Variants in WDPCP observed in about 807,000 individuals in gnomAD.
WDPCP encodes WD repeat containing planar cell polarity effector, also known as WD repeat-containing and planar cell polarity effector protein fritz homolog.
In WDPCP, 71 loss-of-function variants were observed where a neutral mutation model predicts 93.1. The observed-to-expected ratio is 0.76, with a 90% CI of 0.63 to 0.93. WDPCP has a LOEUF of 0.93. WDPCP is among the 40% of genes least tolerant of loss of function. The pLI, the probability that WDPCP is intolerant of heterozygous loss-of-function variation, is 0.00. For synonymous variants in WDPCP, 315 were observed against 315.0 expected, an observed-to-expected ratio of 1.00 and a Z score of 0.00; for missense variants, 844 against 887.4, an observed-to-expected ratio of 0.95 and a Z score of 0.62.
chr2:63,469,251 G>A (rs1463481454), intron 6 of WDPCP, among the ~76,000 whole-genome samples: 7 of 152,210 alleles, frequency 4.6e-5, no homozygotes. Flanking sequence ...GTTGGTGGGG[G>A]TGTAAATTAG....
At chr2:63,572,755 A>G (rs188429636) in intron 1 of WDPCP, among the ~76,000 whole-genome samples, 1 of 149,226 alleles carries the variant, frequency 6.7e-6, no homozygotes, top group East Asian at 2.0e-4. Context: ...CTAGCAAGAG[A>G]GTAAAGAGGG....
chr2:63,231,379 G>C (rs1678863903), intron 14 of WDPCP, among the ~76,000 whole-genome samples: 1 of 152,106 alleles, frequency 6.6e-6, no homozygotes, highest in South Asian at 2.1e-4. Flanking sequence ...AGGAAAAGAG[G>C]AAGTCAAATT....
At chr2:63,432,122 G>A (rs917074868) in intron 9 of WDPCP, among the ~76,000 whole-genome samples, 1 of 152,040 alleles carries the variant, frequency 6.6e-6, no homozygotes, top group African/African-American at 2.4e-5. Context: ...AATTCCTTTT[G>A]GTACTGTTAC....
At chr2:63,556,714 C>T (rs1300354035) in intron 1 of WDPCP, among the ~76,000 whole-genome samples, 1 of 152,094 alleles carries the variant, frequency 6.6e-6, no homozygotes, top group East Asian at 1.9e-4. Flanking sequence ...GACACATAAT[C>T]ATCAGATTTT....
intron 9 of WDPCP, among the ~76,000 whole-genome samples, chr2:63,430,538 G>C (rs954159623): frequency 6.6e-6 from 1 of 152,100 alleles, no homozygotes; most frequent in Non-Finnish European, 1.5e-5. Context: ...TTTTTCAAAA[G>C]AATTTTTTCT....
chr2:63,488,214 T>C (rs979663479), intron 2 of WDPCP, among the ~76,000 whole-genome samples: 3 of 152,086 alleles, frequency 2.0e-5, no homozygotes, highest in African/African-American at 4.8e-5. Context: ...TGAAGGAACA[T>C]TTGTTTTCTT....
rs183840862 is a variant in WDPCP at position 63,128,375 on chromosome 2, C to T, written c.2191-6319G>A. Among the ~76,000 whole-genome samples the T allele has an allele frequency of 1.9e-3, 282 of 152,126 alleles. 1 individual carries two copies. The highest frequency in any genetic ancestry group is 6.8e-3 in the Middle Eastern group (2 of 294). On this transcript the variant is annotated intron_variant, in intron 17 of 17. Transcript: ENST00000272321. ...AAAGATAATTAAAACTTTTTCCTTC[C>T]GTTTCTGTCTTTACCACAAATTTTT...
chr2:63,688,856 T>G (rs1274225001), intron 2 of WDPCP, among the ~76,000 whole-genome samples: 1 of 152,190 alleles, frequency 6.6e-6, no homozygotes, highest in Non-Finnish European at 1.5e-5. Flanking sequence ...AAAAGGTGAT[T>G]AGGTCATGAG....
intron 6 of WDPCP, among the ~76,000 whole-genome samples, chr2:63,470,266 C>A (rs752072340): frequency 2.6e-5 from 4 of 152,160 alleles, no homozygotes; most frequent in African/African-American, 4.8e-5. Flanking sequence ...ACATCTGGCC[C>A]AAATCTTTCC....
intron 2 of WDPCP, among the ~76,000 whole-genome samples, chr2:63,767,207 G>A (rs993806970): frequency 1.3e-5 from 2 of 152,108 alleles, no homozygotes; most frequent in African/African-American, 2.4e-5. Context: ...CTGAGTAATA[G>A]TGCATTGTAT....
At chr2:63,443,305 G>A (rs1488057304) in intron 6 of WDPCP, 1 of 152,068 alleles carries the variant, frequency 6.6e-6, no homozygotes, top group Non-Finnish European at 1.5e-5. Context: ...GAACTATAGA[G>A]CAAATTTAGG....
chr2:63,731,917 T>G (rs112176144), intron 2 of WDPCP, among the ~76,000 whole-genome samples: 2,606 of 152,304 alleles, frequency 0.017, 26 homozygotes, highest in African/African-American at 0.019. Flanking sequence ...AAAGTCTAGT[T>G]CTTGAGCCAA....
chr2:63,166,803 A>G (rs1023124901), intron 15 of WDPCP, among the ~76,000 whole-genome samples: 2 of 152,144 alleles, frequency 1.3e-5, no homozygotes, highest in South Asian at 2.1e-4. Flanking sequence ...AAACATTCCA[A>G]TTATACTCAT....
At chr2:63,815,710 T>C (rs542130690) in intron 1 of WDPCP, among the ~76,000 whole-genome samples, 1 of 152,288 alleles carries the variant, frequency 6.6e-6, no homozygotes, top group Non-Finnish European at 1.5e-5. Context: ...TATTTGGTTG[T>C]TTATTAAGGA....
chr2:63,359,642 T>C (rs12713488), intron 12 of WDPCP, among the ~76,000 whole-genome samples: 85,885 of 151,986 alleles, frequency 0.57, 24,622 homozygotes, highest in Admixed American at 0.64. Context: ...TAGCAATCAC[T>C]CTCTTAGGCA....
At chr2:63,701,395 G>A (rs762265996) in intron 2 of WDPCP, among the ~76,000 whole-genome samples, 6 of 152,168 alleles carry the variant, frequency 3.9e-5, no homozygotes, top group South Asian at 2.1e-4. Context: ...TTCATACACC[G>A]TTGGTGGGAA....
intron 1 of WDPCP, among the ~76,000 whole-genome samples, chr2:63,814,270 G>A (rs765074512): frequency 6.6e-6 from 1 of 151,918 alleles, no homozygotes. Context: ...AGATAGTCAT[G>A]TGACACATTC....
intron 1 of WDPCP, among the ~76,000 whole-genome samples, chr2:63,583,723 A>C (rs1708649659): frequency 6.6e-6 from 1 of 151,854 alleles, no homozygotes. Context: ...GTAAATAGTT[A>C]TTTTAGGGTA....
intron 1 of WDPCP, among the ~76,000 whole-genome samples, chr2:63,815,310 C>A (rs569713389): frequency 6.6e-6 from 1 of 151,864 alleles, no homozygotes; most frequent in Non-Finnish European, 1.5e-5. Context: ...AAACCACCAG[C>A]GTAATAAATA....
Sources: gnomAD v4.1 joint callset for allele counts (sites outside exome capture counted in the v4.1 genomes callset) on GRCh38, gnomAD v4.1.1 for gene constraint, MANE v1.5 for transcripts, NCBI Gene and HGNC (gene_info 2026-07-23, HGNC 2026-07-21) for gene names.